Variants in KCNIP4 observed in about 807,000 individuals in gnomAD.
KCNIP4 encodes the protein potassium voltage-gated channel interacting protein 4.
A neutral mutation model predicts 34.0 loss-of-function variants in KCNIP4; 12 were observed. The ratio of observed to expected loss-of-function variants is 0.35; its 90% CI spans 0.23 to 0.57. The LOEUF (loss-of-function observed/expected upper bound fraction) is 0.57, where lower values mean the gene tolerates loss of function less well. Among genes scored for constraint, KCNIP4 ranks in the 20% least tolerant of loss-of-function variants. The probability of loss-of-function intolerance (pLI) is 0.83; values close to 1 mark genes in which losing one functional copy is unlikely to be tolerated. For missense variants in KCNIP4, 238 were observed against 311.7 expected (o/e 0.76, Z 1.78); for synonymous variants, 124 against 102.2 (o/e 1.21, Z -1.29).
At chr4:21,446,826 G>T (rs958436079) in intron 1 of KCNIP4, among the ~76,000 whole-genome samples, 3 of 152,026 alleles carry the variant, frequency 2.0e-5, no homozygotes, top group African/African-American at 7.2e-5. Flanking sequence ...TATTGCATTT[G>T]AAAGTTATAT....
At chr4:21,145,138 G>A (rs920569244) in intron 1 of KCNIP4, among the ~76,000 whole-genome samples, 1 of 152,140 alleles carries the variant, frequency 6.6e-6, no homozygotes, top group African/African-American at 2.4e-5. Context: ...ATTCCTGACT[G>A]TAACTCAAAA....
At chr4:20,859,154 T>G (rs1721928991) in intron 2 of KCNIP4, among the ~76,000 whole-genome samples, 1 of 152,132 alleles carries the variant, frequency 6.6e-6, no homozygotes, top group African/African-American at 2.4e-5. Context: ...GCTGTGCTGA[T>G]AAGAAACACA....
chr4:21,227,914 C>T (rs1423194942), intron 1 of KCNIP4, among the ~76,000 whole-genome samples: 1 of 152,120 alleles, frequency 6.6e-6, no homozygotes, highest in African/African-American at 2.4e-5. Flanking sequence ...GCTTCTCAAA[C>T]TATATGTAGT....
chr4:21,280,587 T>G (rs1044457898), intron 1 of KCNIP4, among the ~76,000 whole-genome samples: 16 of 152,312 alleles, frequency 1.1e-4, no homozygotes, highest in Non-Finnish European at 7.3e-5. Flanking sequence ...ATAACACTTT[T>G]CTCTCCAAAC....
intron 1 of KCNIP4, among the ~76,000 whole-genome samples, chr4:21,780,845 A>T (rs1719531324): frequency 6.6e-6 from 1 of 152,162 alleles, no homozygotes. Flanking sequence ...TTCCCTCTGA[A>T]GCTGCTAGGG....
chr4:21,551,310 T>C (rs1336321183), intron 1 of KCNIP4, among the ~76,000 whole-genome samples: 1 of 152,076 alleles, frequency 6.6e-6, no homozygotes, highest in African/African-American at 2.4e-5. Context: ...TGACAAGATA[T>C]CTAATTGGAA....
intron 1 of KCNIP4, among the ~76,000 whole-genome samples, chr4:21,193,031 A>T (rs1248507542): frequency 6.6e-6 from 1 of 151,394 alleles, no homozygotes; most frequent in Non-Finnish European, 1.5e-5. Flanking sequence ...GCAGGAGGAC[A>T]GCTTGAGACA....
chr4:21,538,703 C>A (rs904653448), intron 1 of KCNIP4, among the ~76,000 whole-genome samples: 3 of 152,142 alleles, frequency 2.0e-5, no homozygotes, highest in African/African-American at 7.2e-5. Context: ...GCACACATTA[C>A]CCAGTGGTTT....
intron 1 of KCNIP4, among the ~76,000 whole-genome samples, chr4:20,966,633 G>T (rs567757860): frequency 6.6e-6 from 1 of 152,202 alleles, no homozygotes; most frequent in Admixed American, 6.5e-5. Flanking sequence ...AAATACCTAT[G>T]GACTATCTCA....
chr4:21,756,908 C>A (rs754673219), intron 1 of KCNIP4, among the ~76,000 whole-genome samples: 1 of 151,690 alleles, frequency 6.6e-6, no homozygotes, highest in Admixed American at 6.6e-5. Context: ...ACCAGCCTGG[C>A]CATGATGTGA....
intron 3 of KCNIP4, among the ~76,000 whole-genome samples, chr4:20,791,786 T>C (rs1489958951): frequency 2.6e-5 from 4 of 152,214 alleles, no homozygotes; most frequent in Non-Finnish European, 5.9e-5. Flanking sequence ...TGAATGGGAT[T>C]AACATCTAAA....
chr4:21,918,052 A>G (rs1212046506), intron 1 of KCNIP4, among the ~76,000 whole-genome samples: 1 of 152,136 alleles, frequency 6.6e-6, no homozygotes, highest in African/African-American at 2.4e-5. Flanking sequence ...TGACACCCCC[A>G]TTAGGTGGTG....
intron 1 of KCNIP4, among the ~76,000 whole-genome samples, chr4:21,564,821 C>T (rs1053454890): frequency 6.6e-6 from 1 of 151,442 alleles, no homozygotes; most frequent in Non-Finnish European, 1.5e-5. Context: ...AGAGAGGAAG[C>T]AAGAGAGAGA....
At chr4:21,113,104 G>A (rs1223655151) in intron 1 of KCNIP4, among the ~76,000 whole-genome samples, 3 of 152,074 alleles carry the variant, frequency 2.0e-5, no homozygotes, top group African/African-American at 2.4e-5. Flanking sequence ...CCAAATTTCC[G>A]GGAATGTCTG....
intron 1 of KCNIP4, among the ~76,000 whole-genome samples, chr4:21,169,471 AG>A (rs1359923355): frequency 6.6e-6 from 1 of 152,046 alleles, no homozygotes; most frequent in Non-Finnish European, 1.5e-5. Flanking sequence ...AAAACTCTAG[AG>A]ATGGTTACTT....
intron 1 of KCNIP4, among the ~76,000 whole-genome samples, chr4:21,479,069 T>C (rs1346113841): frequency 6.6e-6 from 1 of 152,156 alleles, no homozygotes; most frequent in African/African-American, 2.4e-5. Context: ...AGGTCTCTTA[T>C]TATTTCTCTG....
At chr4:21,552,063 CAA>C (rs1738632179) in intron 1 of KCNIP4, among the ~76,000 whole-genome samples, 1 of 112,956 alleles carries the variant, frequency 8.9e-6, no homozygotes, top group Non-Finnish European at 1.9e-5. Context: ...CAAAAAACAA[CAA>C]CAAAAAAAAA....
chr4:20,826,589 A>AAAACAAACAAAC (rs10687574), intron 3 of KCNIP4, among the ~76,000 whole-genome samples: 3 of 150,838 alleles, frequency 2.0e-5, no homozygotes, highest in African/African-American at 7.4e-5. Context: ...ACCTTGTCTC[A>AAAACAAACAAAC]AAACAAACAA....
At chr4:21,038,714 C>A (rs1479958768) in intron 1 of KCNIP4, among the ~76,000 whole-genome samples, 1 of 152,194 alleles carries the variant, frequency 6.6e-6, no homozygotes, top group Non-Finnish European at 1.5e-5. Context: ...TATGTGCATT[C>A]AACTAGCACA....
Sources: gnomAD v4.1 joint callset for allele counts (sites outside exome capture counted in the v4.1 genomes callset) on GRCh38, gnomAD v4.1.1 for gene constraint, MANE v1.5 for transcripts, NCBI Gene and HGNC (gene_info 2026-07-23, HGNC 2026-07-21) for gene names.